Variants in HDHD5 observed in about 807,000 individuals in gnomAD.
The protein encoded by HDHD5 is haloacid dehalogenase like hydrolase domain containing 5, also known as haloacid dehalogenase-like hydrolase domain-containing 5.
Under a neutral mutation model 35.5 loss-of-function variants are expected in HDHD5, and 34 were observed. That is an observed-to-expected ratio of 0.96 (90% CI 0.73 to 1.28). The LOEUF is 1.28. Ranked by LOEUF, HDHD5 falls within the 50% of genes most tolerant of loss-of-function variation. The pLI is 0.00. For missense variants in HDHD5, 589 were observed against 560.2 expected (o/e 1.05, Z -0.52); for synonymous variants, 248 against 240.6 (o/e 1.03, Z -0.29).
At chr22:17,144,906 A>G (rs2061643313) in intron 4 of HDHD5, 118 bp downstream of exon 4, 1 of 1,263,846 alleles carries the variant, frequency 7.9e-7, no homozygotes, top group Admixed American at 2.0e-5. Context: ...TGTGCCTCCA[A>G]AGAAGCATGG....
At position 17,165,223 on chromosome 22, in the gene HDHD5, GAAGA is replaced by G. The variant is rs2123889386; in HGVS notation, c.18_21del (p.Leu7ProfsTer26). ...ACGTGAGTTACCTGAGAGAAGCTGG[GAAGA>G]AAGAACCAAGCATACATGATTTAGT... On this transcript the variant is annotated frameshift_variant, in exon 1 of 8. Coordinates refer to the HDHD5 transcript ENST00000155674. LOFTEE classifies it high-confidence loss of function. 1 of 777,898 alleles carries G rather than the reference GAAGA, an allele frequency of 1.3e-6. No homozygotes were observed. Among genetic ancestry groups the G allele is most frequent in the South Asian group, 1.4e-5 (1 of 73,946 alleles). 48.2% of individuals were successfully genotyped at this position (777,898 alleles called of 1,614,324 possible). A position where few individuals can be genotyped will look rare whatever the true frequency, so the allele number is the denominator to read the frequency against.
chr22:17,151,631 G>A lies in HDHD5; in HGVS notation c.127-1886C>T, dbSNP rs1174253798. On this transcript the variant is annotated intron_variant, in intron 1 of 7. Transcript: ENST00000336737. ...TGTCATCCCAGCTACTCGGGAGGCTGAGGCAGGAGAATCACTTGAACCTGG... is the reference window on the plus strand; with the variant it reads ...TGTCATCCCAGCTACTCGGGAGGCTAAGGCAGGAGAATCACTTGAACCTGG... Among the ~76,000 whole-genome samples, 4 of 151,800 alleles carry A rather than the reference G, an allele frequency of 2.6e-5. No homozygotes were observed. The South Asian group carries it at 8.3e-4, about 32-fold the overall frequency.
chr22:17,156,847 A>T (rs1368170171), intron 1 of HDHD5, among the ~76,000 whole-genome samples: 2 of 151,690 alleles, frequency 1.3e-5, no homozygotes, highest in Non-Finnish European at 2.9e-5. Context: ...TGGGAAACCA[A>T]GGCAGGCGGA....
intron 1 of HDHD5, among the ~76,000 whole-genome samples, chr22:17,157,087 C>T (rs2061804229): frequency 2.6e-5 from 2 of 77,060 alleles, no homozygotes; most frequent in African/African-American, 1.1e-4. Flanking sequence ...CACACACATA[C>T]ACACACACAC....
At chr22:17,147,454 C>T (rs551363522) in intron 3 of HDHD5, among the ~76,000 whole-genome samples, 1 of 135,680 alleles carries the variant, frequency 7.4e-6, no homozygotes, top group South Asian at 2.6e-4. Context: ...CACATGCCAT[C>T]GCACACGCTC....
At chr22:17,152,954 C>T (rs75582321) in intron 1 of HDHD5, among the ~76,000 whole-genome samples, 3,663 of 152,018 alleles carry the variant, frequency 0.024, 141 homozygotes, top group African/African-American at 0.084. Flanking sequence ...GGGCAGGGAC[C>T]CTGGAAAAAC....
intron 6 of HDHD5, 41 bp downstream of exon 6, chr22:17,141,018 A>C (rs773881976): frequency 6.5e-7 from 1 of 1,528,978 alleles, no homozygotes; most frequent in Non-Finnish European, 8.8e-7. Context: ...AGCAGCCAGG[A>C]ATAGACCACC....
At position 17,143,143 on chromosome 22, in the gene HDHD5, CA is replaced by C. The variant is rs2061618083; in HGVS notation, c.538-13del. 6.2e-7 allele frequency: 1 copy of C among 1,607,800 alleles called. No individual in the cohort carries two copies. Among genetic ancestry groups the C allele is most frequent in the African/African-American group, 1.3e-5 (1 of 74,782 alleles). ...TTCCTCGGGAGGGGCTGCAGAGAGA[CA>C]AAGGAGAGGCTATCAACACAAGTCG... On this transcript the variant is annotated splice_polypyrimidine_tract_variant and intron_variant, in intron 4 of 7. Transcript: ENST00000336737.
rs372356199 is a variant in HDHD5, at chr22:17,157,271, C to CTTT, written c.126+1852_126+1854dup. ...AGAAAGTTAAACTAAGGTTAATTTT[C>CTTT]TTTTTTTTTTTTTTTGATAAGAGTC... On this transcript the variant is annotated intron_variant, in intron 1 of 7. Coordinates refer to ENST00000336737, the MANE Select transcript of HDHD5 (RefSeq NM_033070.3). 3.7e-5 allele frequency among the ~76,000 whole-genome samples: 5 copies of CTTT among 136,694 alleles called. 1 individual carries two copies. Among genetic ancestry groups the CTTT allele is most frequent in the Non-Finnish European group, 3.1e-5 (2 of 63,934 alleles). The allele number at this position is 136,694 out of a possible 152,430, so 89.7% of individuals were successfully genotyped here. A position where few individuals can be genotyped will look rare whatever the true frequency, so the allele number is the denominator to read the frequency against.
At chr22:17,159,484 C>A (rs766009994), upstream of HDHD5, 6 of 499,516 alleles carry the variant, frequency 1.2e-5, no homozygotes, top group South Asian at 9.3e-5. Flanking sequence ...GGTGAGCTGG[C>A]CGCGGCGCAC....
At chr22:17,160,288 G>A (rs1044524081), upstream of HDHD5, among the ~76,000 whole-genome samples, 1 of 152,198 alleles carries the variant, frequency 6.6e-6, no homozygotes, top group Non-Finnish European at 1.5e-5. Context: ...CAAGGTGGGA[G>A]GAAAACTTGA....
chr22:17,153,611 C>T (rs1255714201), intron 1 of HDHD5, among the ~76,000 whole-genome samples: 1 of 152,188 alleles, frequency 6.6e-6, no homozygotes, highest in African/African-American at 2.4e-5. Flanking sequence ...ACACTACAAG[C>T]ATTTTTCCTG....
At chr22:17,139,454 G>A (rs1010893738) in intron 6 of HDHD5, among the ~76,000 whole-genome samples, 16 of 151,908 alleles carry the variant, frequency 1.1e-4, no homozygotes, top group Non-Finnish European at 4.4e-5. Flanking sequence ...CTTGAACCCG[G>A]GAGGCGGAGG....
chr22:17,149,903 A>G (rs1031270211), intron 1 of HDHD5, among the ~76,000 whole-genome samples, 158 bp from the exon 2 acceptor site: 6 of 143,974 alleles, frequency 4.2e-5, no homozygotes, highest in African/African-American at 1.5e-4. Flanking sequence ...GGCAATCTTT[A>G]AATAGAAAAT....
intron 5 of HDHD5, 22 bp from the exon 6 acceptor site, chr22:17,141,255 G>A: frequency 1.9e-6 from 3 of 1,578,968 alleles, no homozygotes; most frequent in Admixed American, 1.9e-5. Context: ...AGAGGCGCAG[G>A]TGAGGGCTGC....
upstream of HDHD5, chr22:17,159,776 T>TG (rs534178195): frequency 4.6e-5 from 13 of 284,544 alleles, no homozygotes; most frequent in Non-Finnish European, 8.9e-5. Context: ...ATAGGGAGAC[T>TG]GCGCACGTGA....
upstream of HDHD5, among the ~76,000 whole-genome samples, chr22:17,160,171 C>T (rs1250481148): frequency 6.6e-6 from 1 of 152,128 alleles, no homozygotes; most frequent in Admixed American, 6.5e-5. Flanking sequence ...ATGTACTTAG[C>T]ACTAGCAGAG....
At chr22:17,144,399 G>A (rs1205297850) in intron 4 of HDHD5, among the ~76,000 whole-genome samples, 3 of 149,298 alleles carry the variant, frequency 2.0e-5, no homozygotes, top group Non-Finnish European at 4.4e-5. Context: ...ATAGGCATGC[G>A]CCACCATATG....
upstream of HDHD5, among the ~76,000 whole-genome samples, chr22:17,163,001 A>G (rs1218956855): frequency 2.0e-5 from 3 of 152,326 alleles, no homozygotes; most frequent in Non-Finnish European, 4.4e-5. Flanking sequence ...TCACATTAAG[A>G]TGTTCTTTCG....
Sources: allele counts gnomAD v4.1 joint callset (sites outside exome capture counted in the v4.1 genomes callset), GRCh38; gene constraint gnomAD v4.1.1; transcripts MANE v1.5; gene names NCBI Gene and HGNC (gene_info 2026-07-23, HGNC 2026-07-21).